Variants in NTM observed in about 807,000 individuals in gnomAD.
NTM encodes IgLON family member 2.
Under a neutral mutation model 42.1 loss-of-function variants are expected in NTM, and 13 were observed. That is an observed-to-expected ratio of 0.31 (90% CI 0.20 to 0.49). The LOEUF is 0.49. Ranked by LOEUF, NTM falls within the 20% of genes least tolerant of loss-of-function variation. The probability of loss-of-function intolerance (pLI) is 0.99; values close to 1 mark genes in which losing one functional copy is unlikely to be tolerated. For synonymous variants in NTM, 187 were observed against 179.2 expected, an observed-to-expected ratio of 1.04 and a Z score of -0.35; for missense variants, 373 against 452.8, an observed-to-expected ratio of 0.82 and a Z score of 1.60.
chr11:131,928,354 A>T (rs2058190094), intron 2 of NTM, among the ~76,000 whole-genome samples: 1 of 152,218 alleles, frequency 6.6e-6, no homozygotes, highest in Admixed American at 6.5e-5. Flanking sequence ...AAGTTATTTC[A>T]TATTGTTAAT....
At chr11:131,623,455 C>G (rs1486552370) in intron 1 of NTM, among the ~76,000 whole-genome samples, 1 of 152,220 alleles carries the variant, frequency 6.6e-6, no homozygotes, top group African/African-American at 2.4e-5. Context: ...GCCATGCTGT[C>G]CACCGAATTC....
In NTM at chr11:132,146,135, AAAGTCCACCCCTGACAAATC is replaced by A; in HGVS notation, c.168-144_168-125del. ...CATAAGACCTTTGCTGTGTTCCAGA[AAAGTCCACCCCTGACAAATC>A]AAAGGAAATGTATGTGTTGGGGGAA... On this transcript the variant is annotated intron_variant, in intron 2 of 8. Transcript: ENST00000683400. The surrounding 1 kb of genome is among the most constrained non-coding windows in gnomAD (Gnocchi z 4.5). The A allele has an allele frequency of 1.6e-6, 2 of 1,281,570 alleles. No homozygotes were observed. The highest frequency in any genetic ancestry group is 2.8e-4 in the Middle Eastern group (1 of 3,590). The allele number at this position is 1,281,570 out of a possible 1,614,324, so 79.4% of individuals were successfully genotyped here. A position where few individuals can be genotyped will look rare whatever the true frequency, so the allele number is the denominator to read the frequency against.
chr11:131,846,079 C>T (rs2044865766), intron 1 of NTM, among the ~76,000 whole-genome samples: 1 of 152,150 alleles, frequency 6.6e-6, no homozygotes. Context: ...TTGTTTTAAA[C>T]ATCACATGTA....
chr11:132,023,807 G>GTT (rs1491216088), intron 2 of NTM, among the ~76,000 whole-genome samples: 11 of 129,222 alleles, frequency 8.5e-5, no homozygotes, highest in South Asian at 7.2e-4. Context: ...TGGTGGTGGT[G>GTT]GTTTTGTTGT....
chr11:132,069,636 T>A, intron 2 of NTM, among the ~76,000 whole-genome samples: 1 of 148,144 alleles, frequency 6.8e-6, no homozygotes, highest in African/African-American at 2.5e-5. Context: ...CACAGGTTAG[T>A]TAACAGGTCA....
intron 1 of NTM, among the ~76,000 whole-genome samples, chr11:131,767,988 G>A (rs1432894228): frequency 2.0e-5 from 3 of 151,958 alleles, no homozygotes; most frequent in Non-Finnish European, 2.9e-5. Flanking sequence ...AGGAAATTCC[G>A]GTGTCCATGG....
At chr11:131,422,268 G>A (rs1041255920) in intron 1 of NTM, among the ~76,000 whole-genome samples, 2 of 152,152 alleles carry the variant, frequency 1.3e-5, no homozygotes, top group African/African-American at 4.8e-5. Context: ...ACTTCAATCT[G>A]CTGCCTGCCT....
At chr11:132,163,734 T>A (rs1354308225) in intron 3 of NTM, among the ~76,000 whole-genome samples, 1 of 152,156 alleles carries the variant, frequency 6.6e-6, no homozygotes, top group Non-Finnish European at 1.5e-5. Flanking sequence ...GGGCTCAAGT[T>A]GTTGTAGAGA....
At chr11:132,254,168 C>T (rs774619329) in intron 4 of NTM, among the ~76,000 whole-genome samples, 16 of 152,116 alleles carry the variant, frequency 1.1e-4, no homozygotes, top group African/African-American at 2.4e-4. Flanking sequence ...AGCCCTTAGA[C>T]GCACTGACAG....
At position 131,780,691 on chromosome 11, in the gene NTM, A is replaced by G. The variant is rs575106241; in HGVS notation, c.83-130873A>G. 5.9e-5 allele frequency among the ~76,000 whole-genome samples: 9 copies of G among 152,324 alleles called. No individual in the cohort carries two copies. The South Asian group carries it at 1.7e-3, about 28-fold the overall frequency. On this transcript the variant is annotated intron_variant, in intron 1 of 8. Coordinates refer to ENST00000683400, the MANE Select transcript of NTM (RefSeq NM_001352005.2). ...ATTTTCCCTCTTCCACCTTATTAAA[A>G]GAATATTTATGAAAACACAAAAATA... is the stretch of plus-strand genomic sequence containing the variant.
At chr11:132,043,526 G>T (rs2135809685) in intron 2 of NTM, among the ~76,000 whole-genome samples, 1 of 151,600 alleles carries the variant, frequency 6.6e-6, no homozygotes, top group African/African-American at 2.4e-5. Context: ...GTGCACGTTG[G>T]CCCCACATGG....
chr11:132,250,496 T>C (rs188673685), intron 4 of NTM, among the ~76,000 whole-genome samples: 29 of 152,220 alleles, frequency 1.9e-4, no homozygotes, highest in African/African-American at 6.3e-4. Context: ...CTTCTCTCCT[T>C]TTGGGACTCC....
At chr11:131,526,666 C>G (rs980507738) in intron 1 of NTM, among the ~76,000 whole-genome samples, 1 of 152,142 alleles carries the variant, frequency 6.6e-6, no homozygotes, top group Non-Finnish European at 1.5e-5. Context: ...TTTTAATTAA[C>G]AGGTGAGCTG....
intron 2 of NTM, among the ~76,000 whole-genome samples, chr11:131,935,574 T>C (rs1223742985): frequency 1.3e-5 from 2 of 151,998 alleles, no homozygotes; most frequent in African/African-American, 4.8e-5. Context: ...ATAATTAGGG[T>C]TAAGAGAAGG....
chr11:131,921,753 GCCTCT>G (rs2057255522), intron 2 of NTM, among the ~76,000 whole-genome samples: 1 of 152,078 alleles, frequency 6.6e-6, no homozygotes, highest in African/African-American at 2.4e-5. Context: ...CGTGAGCCCA[GCCTCT>G]CCATTACAAA....
intron 1 of NTM, among the ~76,000 whole-genome samples, chr11:131,649,371 G>A (rs1159029195): frequency 6.6e-6 from 1 of 152,190 alleles, no homozygotes; most frequent in Admixed American, 6.5e-5. Flanking sequence ...ATATCGGGGA[G>A]GGAGTATGGG....
At chr11:131,734,379 A>T (rs544885956) in intron 1 of NTM, among the ~76,000 whole-genome samples, 40 of 152,086 alleles carry the variant, frequency 2.6e-4, no homozygotes, top group African/African-American at 8.9e-4. Flanking sequence ...ACATTTTTCT[A>T]CTTAGTGAGT....
chr11:131,527,134 G>A (rs576530690), intron 1 of NTM, among the ~76,000 whole-genome samples: 1 of 152,308 alleles, frequency 6.6e-6, no homozygotes, highest in Non-Finnish European at 1.5e-5. Context: ...ATGTACCTAT[G>A]TGTAACCCCC....
chr11:131,493,178 G>T (rs932579594), intron 1 of NTM, among the ~76,000 whole-genome samples: 2 of 152,142 alleles, frequency 1.3e-5, no homozygotes, highest in South Asian at 2.1e-4. Flanking sequence ...GGTTGATGCC[G>T]TAGTGAGCCG....
Sources: gnomAD v4.1 joint callset for allele counts (sites outside exome capture counted in the v4.1 genomes callset) on GRCh38, gnomAD v4.1.1 for gene constraint, Gnocchi (gnomAD v3.1) non-coding constraint, MANE v1.5 for transcripts, NCBI Gene and HGNC (gene_info 2026-07-23, HGNC 2026-07-21) for gene names.